CCSER1: variants seen among roughly 807,000 people sequenced by gnomAD.
CCSER1 encodes the protein coiled-coil serine rich protein 1.
In CCSER1, 41 loss-of-function variants were observed where a neutral mutation model predicts 82.0. The ratio of observed to expected loss-of-function variants is 0.50; its 90% CI spans 0.39 to 0.65. CCSER1 has a LOEUF of 0.65. Ranked by LOEUF, CCSER1 falls within the 30% of genes least tolerant of loss-of-function variation. The pLI is 0.00. For missense variants in CCSER1, 1,119 were observed against 1,064.2 expected, an observed-to-expected ratio of 1.05 and a Z score of -0.72; for synonymous variants, 414 against 383.9, an observed-to-expected ratio of 1.08 and a Z score of -0.92.
chr4:91,381,470 T>G (rs993371496), intron 10 of CCSER1, among the ~76,000 whole-genome samples: 4 of 151,902 alleles, frequency 2.6e-5, no homozygotes, highest in Non-Finnish European at 5.9e-5. Flanking sequence ...TTCTGTAAAC[T>G]TTTCTCACTT....
intron 7 of CCSER1, among the ~76,000 whole-genome samples, chr4:90,745,678 CTTTTTTTTTTT>C (rs537380046): frequency 1.1e-4 from 8 of 72,236 alleles, no homozygotes; most frequent in Admixed American, 5.9e-4. Flanking sequence ...TTTCTTTTAT[CTTTTTTTTTTT>C]TTTTTTTTTT....
chr4:90,243,073 TTTTTTTTTA>T (rs1006914669), intron 1 of CCSER1, among the ~76,000 whole-genome samples: 5 of 143,016 alleles, frequency 3.5e-5, no homozygotes, highest in Admixed American at 3.4e-4. Flanking sequence ...TTTTTTTTTT[TTTTTTTTTA>T]AAATAGGATC....
chr4:91,490,901 TATATATATATATATATATATATATATAA>T (rs1401545276), intron 10 of CCSER1, among the ~76,000 whole-genome samples: 2 of 73,622 alleles, frequency 2.7e-5, no homozygotes, highest in African/African-American at 1.2e-4. Flanking sequence ...TATATATATA[TATATATATATATATATATATATATATAA>T]AATATGCGTC....
At chr4:90,743,012 T>C (rs1460029060) in intron 7 of CCSER1, among the ~76,000 whole-genome samples, 1 of 152,190 alleles carries the variant, frequency 6.6e-6, no homozygotes, top group Non-Finnish European at 1.5e-5. Context: ...TTGGCAGATA[T>C]TCTATTATTT....
intron 3 of CCSER1, among the ~76,000 whole-genome samples, chr4:90,373,132 A>C (rs1747729108): frequency 6.6e-6 from 1 of 151,966 alleles, no homozygotes; most frequent in South Asian, 2.1e-4. Flanking sequence ...CTCATCCTCA[A>C]TTTACCTTGA....
At chr4:90,674,937 G>A (rs190506782) in intron 6 of CCSER1, among the ~76,000 whole-genome samples, 157 of 152,024 alleles carry the variant, frequency 1.0e-3, no homozygotes, top group Non-Finnish European at 2.1e-3. Flanking sequence ...ATATTATTGT[G>A]TCACATTATT....
chr4:90,431,982 ACT>A (rs1425334193), intron 4 of CCSER1, among the ~76,000 whole-genome samples: 6 of 151,988 alleles, frequency 3.9e-5, no homozygotes, highest in Non-Finnish European at 1.5e-5. Flanking sequence ...GTCATTGGTG[ACT>A]CTGCTGCACG....
At chr4:90,774,149 A>G (rs890130443) in intron 7 of CCSER1, among the ~76,000 whole-genome samples, 4 of 152,152 alleles carry the variant, frequency 2.6e-5, no homozygotes, top group African/African-American at 9.7e-5. Flanking sequence ...AAATAACTAT[A>G]AGGTTACATT....
intron 5 of CCSER1, among the ~76,000 whole-genome samples, chr4:90,512,281 G>C (rs1243818664): frequency 1.3e-5 from 2 of 148,988 alleles, no homozygotes; most frequent in Admixed American, 1.3e-4. Flanking sequence ...CTTGTCTCTG[G>C]TTGGTAAAAT....
chr4:91,081,750 G>A (rs1200703571), intron 9 of CCSER1, among the ~76,000 whole-genome samples: 4 of 152,240 alleles, frequency 2.6e-5, no homozygotes, highest in South Asian at 2.1e-4. Flanking sequence ...AAAATCACAA[G>A]CATTCTTATA....
At chr4:90,573,517 T>C (rs550478041) in intron 5 of CCSER1, among the ~76,000 whole-genome samples, 14 of 152,302 alleles carry the variant, frequency 9.2e-5, no homozygotes, top group African/African-American at 3.4e-4. Flanking sequence ...ATGGGTAACA[T>C]GGATGATGTA....
chr4:90,721,872 GT>G (rs1033169594), intron 6 of CCSER1, among the ~76,000 whole-genome samples: 2 of 150,908 alleles, frequency 1.3e-5, no homozygotes, highest in African/African-American at 2.4e-5. Flanking sequence ...AGATTGATTT[GT>G]TTTTTTAAAA....
intron 10 of CCSER1, among the ~76,000 whole-genome samples, chr4:91,303,832 T>A (rs1358317440): frequency 6.6e-6 from 1 of 151,452 alleles, no homozygotes; most frequent in Non-Finnish European, 1.5e-5. Flanking sequence ...ACAACAAAAC[T>A]AAAACTAACT....
At chr4:91,211,511 T>C (rs144714887) in intron 10 of CCSER1, among the ~76,000 whole-genome samples, 108 of 152,218 alleles carry the variant, frequency 7.1e-4, no homozygotes, top group African/African-American at 2.2e-3. Context: ...TCTAAATTAT[T>C]GAGAAATAAA....
rs572822926 is a variant in CCSER1 at position 90,650,645 on chromosome 4, G to A, written c.1932+22413G>A. Among the ~76,000 whole-genome samples the A allele has an allele frequency of 1.3e-4, 20 of 152,184 alleles. 1 individual carries two copies. In the South Asian group the frequency reaches 4.0e-3, roughly 30 times the overall value. Reference sequence around the variant, plus strand: ...TTTACACTCAGCATGCTTATAAATAGTGCTTCTTGGTATCAATTTTGCCTT... The same window carrying A: ...TTTACACTCAGCATGCTTATAAATAATGCTTCTTGGTATCAATTTTGCCTT... On this transcript the variant is annotated intron_variant, in intron 6 of 10. Transcript: ENST00000509176.
At chr4:90,640,812 C>A (rs1026837684) in intron 6 of CCSER1, among the ~76,000 whole-genome samples, 1 of 152,164 alleles carries the variant, frequency 6.6e-6, no homozygotes, top group Non-Finnish European at 1.5e-5. Context: ...TCCCTTTCAT[C>A]TTCCACCATG....
chr4:91,446,493 A>G (rs145320369), intron 10 of CCSER1, among the ~76,000 whole-genome samples: 1 of 151,914 alleles, frequency 6.6e-6, no homozygotes, highest in Admixed American at 6.6e-5. Context: ...TCAAAATTCA[A>G]TAAATTTTAA....
intron 6 of CCSER1, among the ~76,000 whole-genome samples, chr4:90,638,963 T>C (rs1017236995): frequency 1.3e-5 from 2 of 152,096 alleles, no homozygotes; most frequent in Non-Finnish European, 2.9e-5. Context: ...TTCTGTTTCA[T>C]CATATGTAAT....
At chr4:91,060,452 G>T (rs1330934803) in intron 9 of CCSER1, among the ~76,000 whole-genome samples, 1 of 151,986 alleles carries the variant, frequency 6.6e-6, no homozygotes, top group Non-Finnish European at 1.5e-5. Flanking sequence ...AAAAGTAGAA[G>T]AATGCATTTG....
Sources: allele counts gnomAD v4.1 joint callset (sites outside exome capture counted in the v4.1 genomes callset), GRCh38; gene constraint gnomAD v4.1.1; transcripts MANE v1.5; gene names NCBI Gene and HGNC (gene_info 2026-07-23, HGNC 2026-07-21).